HEPHL1: variants seen among roughly 807,000 people sequenced by gnomAD.
HEPHL1 encodes ferroxidase HEPHL1.
HEPHL1 carries 123 observed loss-of-function variants against 122.0 expected under a neutral mutation model. The ratio of observed to expected loss-of-function variants is 1.01; its 90% CI spans 0.87 to 1.17. The LOEUF (loss-of-function observed/expected upper bound fraction) is 1.17. Among genes scored for constraint, HEPHL1 ranks in the 50% most tolerant of loss-of-function variants. The pLI, the probability that HEPHL1 is intolerant of heterozygous loss-of-function variation, is 0.00. For missense variants in HEPHL1, 1,452 were observed against 1,430.5 expected (o/e 1.01, Z -0.24); for synonymous variants, 527 against 508.9 (o/e 1.04, Z -0.48).
intron 6 of HEPHL1, among the ~76,000 whole-genome samples, chr11:94,072,512 A>G (rs1946083598): frequency 6.6e-6 from 1 of 152,176 alleles, no homozygotes; most frequent in Non-Finnish European, 1.5e-5. Flanking sequence ...TTATATTATC[A>G]TATTCACGAC....
intron 2 of HEPHL1, among the ~76,000 whole-genome samples, chr11:94,049,067 G>A (rs773717479): frequency 2.6e-5 from 4 of 151,968 alleles, no homozygotes; most frequent in Non-Finnish European, 4.4e-5. Context: ...GCTGCAGTGA[G>A]CCGAGATCAT....
At chr11:94,099,912 A>T (rs1209833031) in intron 13 of HEPHL1, among the ~76,000 whole-genome samples, 2 of 152,152 alleles carry the variant, frequency 1.3e-5, no homozygotes, top group Non-Finnish European at 2.9e-5. Context: ...GCCATCTGTC[A>T]CAGCTTCCCT....
At chr11:94,047,683 G>T (rs766998436) in intron 2 of HEPHL1, among the ~76,000 whole-genome samples, 5 of 152,148 alleles carry the variant, frequency 3.3e-5, no homozygotes, top group Non-Finnish European at 7.3e-5. Context: ...CAAGATAGTT[G>T]TGCCTGCCTT....
chr11:94,070,304 C>A, intron 5 of HEPHL1, 70 bp from the exon 6 acceptor site: 1 of 1,424,628 alleles, frequency 7.0e-7, no homozygotes, highest in South Asian at 1.5e-5. Context: ...CCAAATCTAT[C>A]AGTCTTTTCC....
rs150937433 is a variant in HEPHL1 at position 94,114,081 on chromosome 11, T to C, written c.*2187T>C. 6.4e-3 allele frequency among the ~76,000 whole-genome samples: 980 copies of C among 152,356 alleles called. 12 individuals are homozygous for C. The highest frequency in any genetic ancestry group is 0.022 in the African/African-American group (912 of 41,582). On this transcript the variant is annotated 3_prime_UTR_variant, in exon 20 of 20. Transcript: ENST00000315765. The stretch of plus-strand genomic sequence containing the variant: ...TTTGACTTTGGGTCTCATTGCTTCT[T>C]GCTTTCTCAAGACTTCATTCCCTTG...
At chr11:94,063,912 C>T (rs73551193) in intron 3 of HEPHL1, among the ~76,000 whole-genome samples, 192 bp downstream of exon 3, 1 of 152,320 alleles carries the variant, frequency 6.6e-6, no homozygotes, top group African/African-American at 2.4e-5. Flanking sequence ...ATCATCACAG[C>T]ATTCTGAGAC....
At chr11:94,069,492 TC>T (rs1461179727) in intron 5 of HEPHL1, among the ~76,000 whole-genome samples, 1 of 152,140 alleles carries the variant, frequency 6.6e-6, no homozygotes, top group Non-Finnish European at 1.5e-5. Flanking sequence ...GTGAATATCT[TC>T]CCTATTTTCT....
chr11:94,078,446 C>CATATATAT lies in HEPHL1; in HGVS notation c.1716+3084_1716+3091dup, dbSNP rs6144452. 7.6e-3 allele frequency among the ~76,000 whole-genome samples: 843 copies of CATATATAT among 111,372 alleles called. 17 individuals are homozygous for CATATATAT. The highest frequency in any genetic ancestry group is 0.018 in the Middle Eastern group (4 of 218). The allele number at this position is 111,372 out of a possible 152,430, so 73.1% of individuals were successfully genotyped here. A position where few individuals can be genotyped will look rare whatever the true frequency, so the allele number is the denominator to read the frequency against. On this transcript the variant is annotated intron_variant, in intron 9 of 19. Coordinates refer to ENST00000315765, the MANE Select transcript of HEPHL1 (RefSeq NM_001098672.2). ...GACACCAGCCACTACTCAGATGTTC[C>CATATATAT]ATATATATATATATATATATATATA...
At chr11:94,098,054 C>T (rs1395985754) in intron 13 of HEPHL1, among the ~76,000 whole-genome samples, 1 of 152,188 alleles carries the variant, frequency 6.6e-6, no homozygotes, top group South Asian at 2.1e-4. Context: ...TTGATCCTGT[C>T]ATTATGATGT....
At chr11:94,048,162 T>A (rs1304517067) in intron 2 of HEPHL1, among the ~76,000 whole-genome samples, 13 of 152,192 alleles carry the variant, frequency 8.5e-5, no homozygotes, top group Non-Finnish European at 1.5e-5. Flanking sequence ...TGCATCATAA[T>A]GTAATTCCTT....
chr11:94,077,958 C>A (rs976130843), intron 9 of HEPHL1, among the ~76,000 whole-genome samples: 5 of 152,152 alleles, frequency 3.3e-5, no homozygotes, highest in African/African-American at 1.2e-4. Flanking sequence ...TTTTATATCA[C>A]CTGATTTTAC....
At chr11:94,082,613 C>G in intron 10 of HEPHL1, 45 bp downstream of exon 10, 1 of 1,552,328 alleles carries the variant, frequency 6.4e-7, no homozygotes, top group Non-Finnish European at 8.8e-7. Context: ...GGCTGACTTG[C>G]ATTAGAAGTG....
At chr11:94,052,841 C>T (rs191089170) in intron 2 of HEPHL1, among the ~76,000 whole-genome samples, 16 of 152,210 alleles carry the variant, frequency 1.1e-4, no homozygotes, top group African/African-American at 3.8e-4. Flanking sequence ...TTGGCCATGG[C>T]ATAGAATCCT....
chr11:94,060,292 ATATG>A (rs1254946858), intron 2 of HEPHL1, among the ~76,000 whole-genome samples: 10 of 151,760 alleles, frequency 6.6e-5, no homozygotes, highest in African/African-American at 2.4e-4. Context: ...CATGATATAT[ATATG>A]TGTGTGTATA....
At chr11:94,109,355 C>T (rs1411095266) in intron 17 of HEPHL1, among the ~76,000 whole-genome samples, 1 of 152,006 alleles carries the variant, frequency 6.6e-6, no homozygotes, top group East Asian at 1.9e-4. Context: ...TTTCTTTTGT[C>T]TTACTGCAAT....
chr11:94,082,302 G>T (rs1190295651), intron 9 of HEPHL1, 116 bp from the exon 10 acceptor site: 2 of 629,702 alleles, frequency 3.2e-6, no homozygotes, highest in Non-Finnish European at 5.2e-6. Flanking sequence ...CGAACTCTTG[G>T]GCTGATGTTG....
At chr11:94,052,256 G>T (rs1370729978) in intron 2 of HEPHL1, among the ~76,000 whole-genome samples, 1 of 152,032 alleles carries the variant, frequency 6.6e-6, no homozygotes, top group Non-Finnish European at 1.5e-5. Flanking sequence ...CCATGAACAT[G>T]AAATGTTTTT....
At chr11:94,031,130 A>T (rs924800883) in intron 1 of HEPHL1, among the ~76,000 whole-genome samples, 11 of 151,584 alleles carry the variant, frequency 7.3e-5, no homozygotes, top group Non-Finnish European at 1.5e-4. Context: ...ATAAAACGTG[A>T]GCTTGTTTTT....
chr11:94,025,240 T>G (rs1591457774), intron 1 of HEPHL1, among the ~76,000 whole-genome samples: 2 of 152,320 alleles, frequency 1.3e-5, no homozygotes, highest in Admixed American at 1.3e-4. Context: ...AGGAGTTAGA[T>G]TCTATTTAGA....
Sources: gnomAD v4.1 joint callset for allele counts (sites outside exome capture counted in the v4.1 genomes callset) on GRCh38, gnomAD v4.1.1 for gene constraint, MANE v1.5 for transcripts, NCBI Gene and HGNC (gene_info 2026-07-23, HGNC 2026-07-21) for gene names.